KCNQ3: variants seen among roughly 807,000 people sequenced by gnomAD.
KCNQ3 encodes potassium voltage-gated channel subfamily KQT member 3.
Under a neutral mutation model 92.5 loss-of-function variants are expected in KCNQ3, and 30 were observed. The ratio of observed to expected loss-of-function variants is 0.32; its 90% CI spans 0.24 to 0.44. The LOEUF is 0.44. KCNQ3 is among the 20% of genes least tolerant of loss of function. The pLI is 1.00. For synonymous variants in KCNQ3, 450 were observed against 468.8 expected, an observed-to-expected ratio of 0.96 and a Z score of 0.52; for missense variants, 913 against 1,140.3, an observed-to-expected ratio of 0.80 and a Z score of 2.87.
At chr8:132,162,488 G>A (rs2130072386) in intron 9 of KCNQ3, among the ~76,000 whole-genome samples, 1 of 152,256 alleles carries the variant, frequency 6.6e-6, no homozygotes, top group South Asian at 2.1e-4. Flanking sequence ...AGAGATCTCT[G>A]TGGTGTCCTT....
chr8:132,398,928 G>GA (rs1201306833), intron 1 of KCNQ3, among the ~76,000 whole-genome samples: 11 of 152,218 alleles, frequency 7.2e-5, no homozygotes, highest in Admixed American at 2.6e-4. Context: ...GGCTGCAGTG[G>GA]TGAGCCCAGG....
At chr8:132,354,438 C>T (rs531067879) in intron 1 of KCNQ3, among the ~76,000 whole-genome samples, 20 of 152,256 alleles carry the variant, frequency 1.3e-4, no homozygotes, top group African/African-American at 4.6e-4. Context: ...AGAAAGGAAT[C>T]AAAACAGGGG....
chr8:132,204,433 T>C (rs1813588582), intron 1 of KCNQ3, among the ~76,000 whole-genome samples: 1 of 152,230 alleles, frequency 6.6e-6, no homozygotes, highest in Non-Finnish European at 1.5e-5. Context: ...ATCTCACATC[T>C]GGTCTACCTC....
chr8:132,445,193 A>G (rs549470203), intron 1 of KCNQ3, among the ~76,000 whole-genome samples: 1 of 152,178 alleles, frequency 6.6e-6, no homozygotes, highest in East Asian at 1.9e-4. Context: ...AATGCTCTTA[A>G]TTGTGGCATT....
intron 1 of KCNQ3, among the ~76,000 whole-genome samples, chr8:132,406,022 T>G (rs1235299313): frequency 2.0e-5 from 3 of 152,096 alleles, no homozygotes; most frequent in African/African-American, 7.2e-5. Context: ...AGTGTGTGTG[T>G]GGGTGACTTA....
chr8:132,161,661 A>C (rs1399751875), intron 9 of KCNQ3, among the ~76,000 whole-genome samples: 1 of 152,046 alleles, frequency 6.6e-6, no homozygotes, highest in Non-Finnish European at 1.5e-5. Flanking sequence ...AAGAAAAAGA[A>C]AAAGAAAAAA....
At chr8:132,463,374 C>A (rs1049485571) in intron 1 of KCNQ3, among the ~76,000 whole-genome samples, 1 of 152,234 alleles carries the variant, frequency 6.6e-6, no homozygotes, top group East Asian at 1.9e-4. Flanking sequence ...ACAGCCCTGA[C>A]AGCCAAAGCA....
chr8:132,214,119 CTGGCTG>C (rs1463686351), intron 1 of KCNQ3, among the ~76,000 whole-genome samples: 1 of 152,166 alleles, frequency 6.6e-6, no homozygotes, highest in Non-Finnish European at 1.5e-5. Flanking sequence ...GGTTCTAGTC[CTGGCTG>C]TGCCCCCAAA....
At chr8:132,132,379 G>A (rs953723677) in intron 13 of KCNQ3, 115 bp from the exon 14 acceptor site, 4 of 807,034 alleles carry the variant, frequency 5.0e-6, no homozygotes, top group Non-Finnish European at 8.5e-6. Flanking sequence ...TCACACTTGT[G>A]TGGCATAAAA....
intron 1 of KCNQ3, among the ~76,000 whole-genome samples, chr8:132,201,540 G>A (rs967709055): frequency 6.6e-6 from 1 of 150,622 alleles, no homozygotes; most frequent in Non-Finnish European, 1.5e-5. Flanking sequence ...ATTCCGAAAA[G>A]AAAAAATAGG....
intron 1 of KCNQ3, among the ~76,000 whole-genome samples, chr8:132,269,033 T>C (rs1315684274): frequency 6.6e-6 from 1 of 152,236 alleles, no homozygotes; most frequent in Non-Finnish European, 1.5e-5. Flanking sequence ...GACATCTGTA[T>C]ATCTTCTTTG....
At position 132,134,654 on chromosome 8, in the gene KCNQ3, C is replaced by T. The variant is rs1233493609; in HGVS notation, c.1701-266G>A. 5.9e-5 allele frequency among the ~76,000 whole-genome samples: 9 copies of T among 151,736 alleles called. No individual in the cohort carries two copies. In the South Asian group the frequency reaches 1.7e-3, roughly 28 times the overall value. On this transcript the variant is annotated intron_variant, in intron 12 of 14. Transcript: ENST00000388996. Reference sequence around the variant, plus strand: ...AACCTATAACCTCGGTATATTCTTCCGCTTGTTTTGATCTGGTGATACTGA... The same window carrying T: ...AACCTATAACCTCGGTATATTCTTCTGCTTGTTTTGATCTGGTGATACTGA...
At chr8:132,323,590 G>C (rs1817956875) in intron 1 of KCNQ3, among the ~76,000 whole-genome samples, 1 of 152,154 alleles carries the variant, frequency 6.6e-6, no homozygotes, top group Non-Finnish European at 1.5e-5. Flanking sequence ...GGCCGTAGGT[G>C]CTAAAACCAC....
At chr8:132,347,508 C>A (rs560911659) in intron 1 of KCNQ3, among the ~76,000 whole-genome samples, 1 of 152,266 alleles carries the variant, frequency 6.6e-6, no homozygotes, top group East Asian at 1.9e-4. Context: ...TATATAAATA[C>A]TTAAGACAAT....
At chr8:132,290,033 A>G (rs996864088) in intron 1 of KCNQ3, among the ~76,000 whole-genome samples, 7 of 152,196 alleles carry the variant, frequency 4.6e-5, no homozygotes, top group Admixed American at 2.6e-4. Flanking sequence ...GGTTTTGGGT[A>G]CAGCAGACTT....
At chr8:132,349,686 A>C (rs1818801204) in intron 1 of KCNQ3, among the ~76,000 whole-genome samples, 1 of 152,220 alleles carries the variant, frequency 6.6e-6, no homozygotes, top group Admixed American at 6.5e-5. Flanking sequence ...AGACCTGCAG[A>C]GCAGACCTGC....
chr8:132,461,761 C>T (rs950146465), intron 1 of KCNQ3, among the ~76,000 whole-genome samples: 4 of 152,200 alleles, frequency 2.6e-5, no homozygotes, highest in African/African-American at 9.6e-5. Flanking sequence ...TTTTAATTTA[C>T]AATTCCCTAA....
intron 9 of KCNQ3, among the ~76,000 whole-genome samples, chr8:132,147,792 A>G (rs1366049797): frequency 6.6e-6 from 1 of 152,240 alleles, no homozygotes; most frequent in Admixed American, 6.5e-5. Flanking sequence ...GCTCAGTACA[A>G]TGGTGCAGAC....
chr8:132,330,550 C>T (rs1252568370), intron 1 of KCNQ3, among the ~76,000 whole-genome samples: 1 of 152,174 alleles, frequency 6.6e-6, no homozygotes, highest in Non-Finnish European at 1.5e-5. Flanking sequence ...TTGCCCTCCA[C>T]TCCTGGGCTT....
Sources: allele counts gnomAD v4.1 joint callset (sites outside exome capture counted in the v4.1 genomes callset), GRCh38; gene constraint gnomAD v4.1.1; transcripts MANE v1.5; gene names NCBI Gene and HGNC (gene_info 2026-07-23, HGNC 2026-07-21).